EPHX2: variants seen among roughly 807,000 people sequenced by gnomAD.
EPHX2 encodes bifunctional epoxide hydrolase 2.
Under a neutral mutation model 78.7 loss-of-function variants are expected in EPHX2, and 74 were observed. The observed-to-expected ratio is 0.94, with a 90% confidence interval of 0.78 to 1.14. The LOEUF is 1.14. Ranked by LOEUF, EPHX2 falls within the 50% of genes most tolerant of loss-of-function variation. The pLI, the probability that EPHX2 is intolerant of heterozygous loss-of-function variation, is 0.00. For missense variants in EPHX2, 715 were observed against 702.5 expected (o/e 1.02, Z -0.20); for synonymous variants, 251 against 255.2 (o/e 0.98, Z 0.16).
chr8:27,547,306 C>A (rs543380765), downstream of EPHX2, among the ~76,000 whole-genome samples: 11 of 152,290 alleles, frequency 7.2e-5, no homozygotes, highest in African/African-American at 2.6e-4. Flanking sequence ...TCAACTGTTG[C>A]AGTGGTGGTA....
chr8:27,514,655 C>G (rs1420578804), intron 6 of EPHX2, among the ~76,000 whole-genome samples: 4 of 152,176 alleles, frequency 2.6e-5, no homozygotes, highest in African/African-American at 9.7e-5. Context: ...CTTCTCTCTG[C>G]TGCCTCCACC....
At chr8:27,534,313 C>T (rs1415454183) in intron 12 of EPHX2, among the ~76,000 whole-genome samples, 1 of 152,216 alleles carries the variant, frequency 6.6e-6, no homozygotes, top group Non-Finnish European at 1.5e-5. Context: ...GCTGCCACTG[C>T]ACAGATCCAG....
intron 6 of EPHX2, 93 bp from the exon 7 acceptor site, chr8:27,515,625 C>G (rs930679675): frequency 5.1e-5 from 53 of 1,030,390 alleles, no homozygotes; most frequent in Admixed American, 3.0e-4. Context: ...CAGCAACGGA[C>G]TGAAACGGCC....
chr8:27,536,891 G>T (rs749227562), intron 13 of EPHX2, 36 bp downstream of exon 13: 1 of 1,610,688 alleles, frequency 6.2e-7, no homozygotes, highest in Non-Finnish European at 8.5e-7. Context: ...GAACAGGAGG[G>T]GGCAGTTGTG....
In EPHX2 at chr8:27,544,853, GC is replaced by G. The variant is rs1244597404; in HGVS notation, c.*333del. ...AATGCATAGTTTGGCAGAAAAATCA[GC>G]CGTTCATTTAGAAGAATCTTAGCAG... On this transcript the variant is annotated 3_prime_UTR_variant, in exon 19 of 19. Transcript: ENST00000521400. The G allele has an allele frequency of 1.3e-5, 4 of 314,152 alleles. No homozygotes were observed. The highest frequency in any genetic ancestry group is 2.4e-5 in the Non-Finnish European group (4 of 169,788). 19.5% of individuals were successfully genotyped at this position (314,152 alleles called of 1,614,324 possible). A position where few individuals can be genotyped will look rare whatever the true frequency, so the allele number is the denominator to read the frequency against.
chr8:27,538,469 G>A (rs1179643805), intron 13 of EPHX2, among the ~76,000 whole-genome samples, 190 bp from the exon 14 acceptor site: 1 of 152,194 alleles, frequency 6.6e-6, no homozygotes, highest in Non-Finnish European at 1.5e-5. Context: ...CTGTGAGGGG[G>A]TCCCTGGCTC....
At chr8:27,499,625 G>A (rs1563338983) in intron 1 of EPHX2, among the ~76,000 whole-genome samples, 1 of 152,204 alleles carries the variant, frequency 6.6e-6, no homozygotes, top group East Asian at 1.9e-4. Flanking sequence ...TTACTTTCCA[G>A]ACCTGAGTAA....
At chr8:27,540,685 A>G in intron 15 of EPHX2, 29 bp downstream of exon 15, 1 of 1,598,512 alleles carries the variant, frequency 6.3e-7, no homozygotes, top group Non-Finnish European at 8.6e-7. Flanking sequence ...CCAGACACAG[A>G]TGAGAGATGA....
At chr8:27,546,483 T>G (rs1815578862), downstream of EPHX2, among the ~76,000 whole-genome samples, 6 of 152,214 alleles carry the variant, frequency 3.9e-5, no homozygotes, top group Admixed American at 2.6e-4. Flanking sequence ...AAAGGGCTAA[T>G]TTAAAGGCAA....
Position 27,545,061 on chromosome 8 carries a change from G to A in EPHX2, c.*539G>A, listed in dbSNP as rs1177641421. ...ATGATCTAGGCCGTGCTGGCCAGGA[G>A]ACAATCCTATGGGGATGGCAGTGGT... On this transcript the variant is annotated 3_prime_UTR_variant, in exon 19 of 19. Transcript: ENST00000521400. 6.4e-6 allele frequency: 1 copy of A among 156,712 alleles called. No homozygotes were observed. Among genetic ancestry groups the A allele is most frequent in the Non-Finnish European group, 1.4e-5 (1 of 70,826 alleles). The allele number at this position is 156,712 out of a possible 1,614,324, so 9.7% of individuals were successfully genotyped here.
intron 13 of EPHX2, among the ~76,000 whole-genome samples, chr8:27,537,208 G>GT (rs1815242720): frequency 6.6e-6 from 1 of 152,176 alleles, no homozygotes; most frequent in South Asian, 2.1e-4. Context: ...CCTGTCTTAG[G>GT]TGTTAGGAGT....
rs1554519562 is a variant in EPHX2 at position 27,501,389 on chromosome 8, T to TCCTTCTTCCTTCTTC, written c.186+380_186+381insCTTCTTCCTTCTTCC. 3.5e-3 allele frequency among the ~76,000 whole-genome samples: 477 copies of TCCTTCTTCCTTCTTC among 137,486 alleles called. 7 individuals carry two copies. The highest frequency in any genetic ancestry group is 0.013 in the African/African-American group (449 of 34,870). 90.2% of individuals were successfully genotyped at this position (137,486 alleles called of 152,430 possible). A position where few individuals can be genotyped will look rare whatever the true frequency, so the allele number is the denominator to read the frequency against. Reference sequence around the variant, plus strand: ...TTCTTCTTCTTCTTCTTCTTCTTCTTCTTCTTTCTTCTTTCTTCTTTCTTC... The same window carrying TCCTTCTTCCTTCTTC: ...TTCTTCTTCTTCTTCTTCTTCTTCTTCCTTCTTCCTTCTTCCTTCTTTCTTCTTTCTTCTTTCTTC... On this transcript the variant is annotated intron_variant, in intron 2 of 18. Coordinates refer to ENST00000521400, the MANE Select transcript of EPHX2 (RefSeq NM_001979.6).
At chr8:27,525,573 T>A (rs1289636182) in intron 12 of EPHX2, 100 bp downstream of exon 12, 1 of 1,049,714 alleles carries the variant, frequency 9.5e-7, no homozygotes, top group Admixed American at 1.8e-5. Context: ...TTTAATTTTA[T>A]GTGGCATTAG....
intron 16 of EPHX2, among the ~76,000 whole-genome samples, chr8:27,543,087 C>T (rs13269963): frequency 0.22 from 31,958 of 145,578 alleles, 3,463 homozygotes; most frequent in African/African-American, 0.26. Flanking sequence ...CCTCAGGATT[C>T]GTTTTAGCCA....
chr8:27,531,014 C>T (rs1015529758), intron 12 of EPHX2, among the ~76,000 whole-genome samples: 2 of 152,142 alleles, frequency 1.3e-5, no homozygotes, highest in Admixed American at 1.3e-4. Context: ...TTACCTGCCT[C>T]GGCCTCCCAA....
At chr8:27,509,222 A>G (rs567859364) in intron 5 of EPHX2, among the ~76,000 whole-genome samples, 1 of 152,230 alleles carries the variant, frequency 6.6e-6, no homozygotes, top group South Asian at 2.1e-4. Context: ...TTTGGGATAG[A>G]ATACTAACTA....
At chr8:27,547,092 A>G (rs1209229828), downstream of EPHX2, among the ~76,000 whole-genome samples, 2 of 152,248 alleles carry the variant, frequency 1.3e-5, no homozygotes, top group Admixed American at 1.3e-4. Context: ...TCCGCCCCCA[A>G]GATCCAGTCA....
chr8:27,504,818 A>T, intron 3 of EPHX2, 138 bp from the exon 4 acceptor site: 1 of 812,950 alleles, frequency 1.2e-6, no homozygotes, highest in Non-Finnish European at 2.0e-6. Context: ...CCAATTTGTC[A>T]GTTGAAAGTT....
intron 8 of EPHX2, among the ~76,000 whole-genome samples, chr8:27,516,819 G>A (rs907849548): frequency 2.6e-5 from 4 of 152,098 alleles, no homozygotes; most frequent in Non-Finnish European, 5.9e-5. Context: ...CATATAAGTG[G>A]AATCATACAG....
Sources: allele counts gnomAD v4.1 joint callset (sites outside exome capture counted in the v4.1 genomes callset), GRCh38; gene constraint gnomAD v4.1.1; transcripts MANE v1.5; gene names NCBI Gene and HGNC (gene_info 2026-07-23, HGNC 2026-07-21).